The following DNAI3 variants were observed in gnomAD, a reference collection of about 807,000 sequenced individuals.
DNAI3 encodes the protein dynein axonemal intermediate chain 3.
Under a neutral mutation model 115.5 loss-of-function variants are expected in DNAI3, and 83 were observed. The ratio of observed to expected loss-of-function variants is 0.72; its 90% CI spans 0.60 to 0.86. DNAI3 has a LOEUF of 0.86. Ranked by LOEUF, DNAI3 falls within the 40% of genes least tolerant of loss-of-function variation. DNAI3 has a pLI of 0.00. For missense variants in DNAI3, 1,004 were observed against 1,075.8 expected (o/e 0.93, Z 0.93); for synonymous variants, 320 against 347.0 (o/e 0.92, Z 0.86).
intron 7 of DNAI3, among the ~76,000 whole-genome samples, chr1:85,088,946 C>T (rs1220897199): frequency 6.6e-6 from 1 of 151,992 alleles, no homozygotes; most frequent in African/African-American, 2.4e-5. Context: ...TTCTACCACT[C>T]TGCCTTCTGC....
At chr1:85,121,842 A>C in intron 18 of DNAI3, 28 bp downstream of exon 18, 1 of 1,610,930 alleles carries the variant, frequency 6.2e-7, no homozygotes, top group Non-Finnish European at 8.5e-7. Flanking sequence ...CCTGTTATTA[A>C]TAAGATGTTC....
At chr1:85,117,584 TA>T in intron 16 of DNAI3, 144 bp from the exon 17 acceptor site, 3 of 1,132,494 alleles carry the variant, frequency 2.6e-6, no homozygotes, top group Non-Finnish European at 3.7e-6. Context: ...ATTAGAAATC[TA>T]AAAATGCTTG....
At chr1:85,101,364 T>G (rs1655303330) in intron 13 of DNAI3, among the ~76,000 whole-genome samples, 2 of 152,140 alleles carry the variant, frequency 1.3e-5, no homozygotes, top group South Asian at 2.1e-4. Context: ...GTAAAGGAAC[T>G]TCATATCACT....
At chr1:85,111,407 T>C (rs529032243) in intron 16 of DNAI3, among the ~76,000 whole-genome samples, 2 of 152,334 alleles carry the variant, frequency 1.3e-5, no homozygotes, top group Admixed American at 1.3e-4. Flanking sequence ...TGATCATTGG[T>C]TATAATGTAT....
intron 22 of DNAI3, among the ~76,000 whole-genome samples, chr1:85,131,069 T>C (rs987788594): frequency 7.9e-5 from 12 of 152,198 alleles, no homozygotes; most frequent in Non-Finnish European, 1.6e-4. Context: ...CATTTCATCA[T>C]TGATCTCATC....
At chr1:85,067,713 C>CA (rs1654140863) in intron 1 of DNAI3, among the ~76,000 whole-genome samples, 1 of 152,094 alleles carries the variant, frequency 6.6e-6, no homozygotes, top group Admixed American at 6.5e-5. Flanking sequence ...AAGTGAAAGA[C>CA]AAAGAAGAGG....
intron 3 of DNAI3, among the ~76,000 whole-genome samples, chr1:85,076,991 C>G (rs1304281696): frequency 1.3e-5 from 2 of 152,136 alleles, no homozygotes; most frequent in African/African-American, 4.8e-5. Context: ...GATAGACTAT[C>G]TACCTCATAA....
At chr1:85,087,463 AGAAAG>A (rs1654835668) in intron 7 of DNAI3, among the ~76,000 whole-genome samples, 1 of 150,110 alleles carries the variant, frequency 6.7e-6, no homozygotes, top group Admixed American at 6.6e-5. Context: ...AAAAAAAGAA[AGAAAG>A]AAAAAAAAAG....
intron 7 of DNAI3, among the ~76,000 whole-genome samples, chr1:85,087,434 C>CAAAA (rs1162431713): frequency 8.4e-3 from 380 of 45,210 alleles, no homozygotes; most frequent in Middle Eastern, 0.024. Flanking sequence ...GACTCCATCT[C>CAAAA]AAAAAAAAAA....
intron 3 of DNAI3, among the ~76,000 whole-genome samples, chr1:85,074,903 A>G (rs952039655): frequency 6.6e-6 from 1 of 152,192 alleles, no homozygotes; most frequent in Non-Finnish European, 1.5e-5. Context: ...ACTATAACTC[A>G]TTACTGAATA....
intron 3 of DNAI3, among the ~76,000 whole-genome samples, chr1:85,079,659 G>A (rs1654570159): frequency 6.6e-6 from 1 of 151,996 alleles, no homozygotes; most frequent in Non-Finnish European, 1.5e-5. Flanking sequence ...TGATATGAAG[G>A]ATAAAAAAAC....
chr1:85,102,035 AAAAC>A (rs1375874451), intron 13 of DNAI3, among the ~76,000 whole-genome samples: 1 of 152,184 alleles, frequency 6.6e-6, no homozygotes, highest in South Asian at 2.1e-4. Context: ...TATCTATGTA[AAAAC>A]AAACAAACAA....
At position 85,103,888 on chromosome 1, in the gene DNAI3, AAATAATAATAATAATAATAAT is replaced by A. The variant is rs71075819; in HGVS notation, c.1480-611_1480-591del. On this transcript the variant is annotated intron_variant, in intron 13 of 22. Coordinates refer to ENST00000294664, the MANE Select transcript of DNAI3 (RefSeq NM_145172.5). ...GGGCACAGAATGAGATGCCTTCTCA[AAATAATAATAATAATAATAAT>A]AATAATAATAATAATAATAATAATT... 3.3e-4 allele frequency among the ~76,000 whole-genome samples: 46 copies of A among 140,442 alleles called. No individual in the cohort carries two copies. The South Asian group carries it at 4.9e-3, about 15-fold the overall frequency. 92.1% of individuals were successfully genotyped at this position (140,442 alleles called of 152,430 possible).
intron 8 of DNAI3, among the ~76,000 whole-genome samples, chr1:85,092,193 A>G (rs1654999624): frequency 6.6e-6 from 1 of 152,180 alleles, no homozygotes; most frequent in African/African-American, 2.4e-5. Flanking sequence ...TGGTCACTGG[A>G]TCACACTTTA....
intron 7 of DNAI3, among the ~76,000 whole-genome samples, chr1:85,088,832 A>G (rs1031756203): frequency 3.3e-5 from 5 of 151,992 alleles, no homozygotes; most frequent in African/African-American, 1.2e-4. Context: ...GCAATATATC[A>G]TTTTGTTTTT....
At position 85,132,989 on chromosome 1, in the gene DNAI3, G is replaced by A; in HGVS notation, c.2667G>A (p.Glu889=). Residue 889 remains glutamate, a synonymous_variant, in exon 23 of 23, where the codon GAG becomes GAA. Coordinates refer to ENST00000294664, the MANE Select transcript of DNAI3 (RefSeq NM_145172.5). ...IKVTEKGSYM[E]VM is the part of the protein sequence containing the mutation. ...TCACAGAGAAGGGGTCATACATGGAGGTGATGTAAAAAAGCTTCCTGAAGG... is the reference window on the plus strand; with the variant it reads ...TCACAGAGAAGGGGTCATACATGGAAGTGATGTAAAAAAGCTTCCTGAAGG... The A allele has an allele frequency of 6.2e-7, 1 of 1,608,692 alleles. No homozygotes were observed. The highest frequency in any genetic ancestry group is 2.2e-5 in the East Asian group (1 of 44,610).
Position 85,071,913 on chromosome 1 carries a change from C to A in DNAI3, c.-14-15C>A, listed in dbSNP as rs755361555. The stretch of plus-strand genomic sequence containing the variant: ...AATTGTAACAATTTACTAATAATAT[C>A]ATCTCTTTATGCAGCCCAAGTCAGA... On this transcript the variant is annotated splice_polypyrimidine_tract_variant and intron_variant, in intron 1 of 22. Coordinates refer to ENST00000294664, the MANE Select transcript of DNAI3 (RefSeq NM_145172.5). The A allele has an allele frequency of 6.3e-7, 1 of 1,592,696 alleles. No homozygotes were observed.
intron 14 of DNAI3, among the ~76,000 whole-genome samples, chr1:85,107,240 A>T (rs1655514539): frequency 6.6e-6 from 1 of 152,200 alleles, no homozygotes; most frequent in Non-Finnish European, 1.5e-5. Flanking sequence ...AGTCCTAGAT[A>T]CACCCAAGAG....
intron 16 of DNAI3, among the ~76,000 whole-genome samples, chr1:85,115,794 C>T (rs569172927): frequency 6.6e-6 from 1 of 152,264 alleles, no homozygotes; most frequent in Admixed American, 6.5e-5. Flanking sequence ...AGTGTTCACG[C>T]TTCTGTGAGA....
Sources: gnomAD v4.1 joint callset for allele counts (sites outside exome capture counted in the v4.1 genomes callset) on GRCh38, gnomAD v4.1.1 for gene constraint, MANE v1.5 for transcripts, NCBI Gene and HGNC (gene_info 2026-07-23, HGNC 2026-07-21) for gene names.